GRIA3: variants seen among roughly 807,000 people sequenced by gnomAD.
GRIA3 encodes glutamate ionotropic receptor AMPA type subunit 3, also known as glutamate receptor 3.
In GRIA3, 3 loss-of-function variants were observed where a neutral mutation model predicts 63.0. The observed-to-expected ratio is 0.05, with a 90% CI of 0.02 to 0.12. The LOEUF (loss-of-function observed/expected upper bound fraction) is 0.12. GRIA3 is among the 10% of genes least tolerant of loss of function. GRIA3 has a pLI of 1.00. For missense variants in GRIA3, 347 were observed against 700.9 expected (o/e 0.50, Z 5.70); for synonymous variants, 274 against 257.9 (o/e 1.06, Z -0.60).
intron 2 of GRIA3, among the ~76,000 whole-genome samples, chrX:123,207,750 A>G (rs1927930343): frequency 9.0e-6 from 1 of 111,730 alleles, no homozygotes; most frequent in African/African-American, 3.3e-5. Context: ...CAAGCAGGAG[A>G]AAAGCCTGGG....
intron 8 of GRIA3, 98 bp downstream of exon 8, chrX:123,403,196 T>G (rs1431014285): frequency 1.6e-6 from 1 of 610,680 alleles, no homozygotes; most frequent in East Asian, 3.3e-5. Flanking sequence ...AAAATATCAG[T>G]AAGGATGAGT....
chrX:123,345,868 G>A lies in GRIA3; in HGVS notation c.697-9042G>A, dbSNP rs764523167. Among the ~76,000 whole-genome samples the A allele has an allele frequency of 7.2e-5, 8 of 110,964 alleles. No homozygotes were observed. The South Asian group carries it at 1.5e-3, about 21-fold the overall frequency. ...TTGGAGGAGGTTGCATATGACCTGC[G>A]CCTTGAGGGATTGATGTGATTTCTA... On this transcript the variant is annotated intron_variant, in intron 4 of 15. Transcript: ENST00000620443.
chrX:123,336,190 C>T (rs2044972844), intron 4 of GRIA3, among the ~76,000 whole-genome samples: 1 of 103,358 alleles, frequency 9.7e-6, no homozygotes, highest in African/African-American at 3.5e-5. Context: ...AGCTCCTCTA[C>T]TGAGAGGCAT....
At chrX:123,244,550 T>C (rs2044347458) in intron 2 of GRIA3, among the ~76,000 whole-genome samples, 1 of 112,770 alleles carries the variant, frequency 8.9e-6, no homozygotes, top group Non-Finnish European at 1.9e-5. Context: ...TTTCTAGATA[T>C]GTATGCATTT....
intron 3 of GRIA3, among the ~76,000 whole-genome samples, chrX:123,290,340 T>C (rs907316990): frequency 2.7e-5 from 3 of 112,009 alleles, no homozygotes; most frequent in African/African-American, 9.7e-5. Flanking sequence ...ATATATATTT[T>C]GTGTCTTCTG....
chrX:123,421,716 C>T (rs957744196), intron 11 of GRIA3, among the ~76,000 whole-genome samples: 6 of 112,025 alleles, frequency 5.4e-5, no homozygotes, highest in Non-Finnish European at 7.5e-5. Context: ...AACCACCTTC[C>T]CTCAGCTCCC....
At chrX:123,301,526 G>A (rs2044723160) in intron 3 of GRIA3, among the ~76,000 whole-genome samples, 1 of 111,373 alleles carries the variant, frequency 9.0e-6, no homozygotes, top group South Asian at 3.8e-4. Context: ...AATTAAAGGA[G>A]TTAATATGTA....
At chrX:123,198,284 T>C (rs1375627777) in intron 2 of GRIA3, among the ~76,000 whole-genome samples, 1 of 112,139 alleles carries the variant, frequency 8.9e-6, no homozygotes, top group Non-Finnish European at 1.9e-5. Context: ...ACTAGCCATA[T>C]GACCGTGAGC....
chrX:123,233,229 A>G (rs1027967284), intron 2 of GRIA3, among the ~76,000 whole-genome samples: 1 of 111,547 alleles, frequency 9.0e-6, no homozygotes, highest in African/African-American at 3.3e-5. Flanking sequence ...ACTTGTCTTC[A>G]CTACCATTCC....
At chrX:123,356,474 C>T (rs534927802) in intron 5 of GRIA3, among the ~76,000 whole-genome samples, 7 of 111,029 alleles carry the variant, frequency 6.3e-5, no homozygotes, top group Middle Eastern at 4.6e-3. Flanking sequence ...AGTATACGCA[C>T]GCAAACTTTT....
chrX:123,427,180 C>T (rs763998886), intron 11 of GRIA3, among the ~76,000 whole-genome samples: 1 of 112,319 alleles, frequency 8.9e-6, no homozygotes, highest in South Asian at 3.7e-4. Context: ...ATTTATTAAA[C>T]TCAAAGTGAA....
At chrX:123,203,819 G>C (rs367985844) in intron 2 of GRIA3, among the ~76,000 whole-genome samples, 27 of 111,909 alleles carry the variant, frequency 2.4e-4, no homozygotes, top group African/African-American at 8.4e-4. Context: ...GCCCGGGTTA[G>C]AATTCTGGTT....
chrX:123,358,070 G>A (rs953094099), intron 5 of GRIA3, among the ~76,000 whole-genome samples: 51 of 111,188 alleles, frequency 4.6e-4, no homozygotes, highest in Non-Finnish European at 2.1e-4. Flanking sequence ...ATCAAAGACA[G>A]ACAGAGAGAG....
chrX:123,231,484 T>C (rs1402424446), intron 2 of GRIA3, among the ~76,000 whole-genome samples: 2 of 111,697 alleles, frequency 1.8e-5, no homozygotes, highest in South Asian at 3.8e-4. Context: ...TGTGCTACGA[T>C]TGGTCCCTAT....
chrX:123,250,550 T>G (rs1412419670), intron 2 of GRIA3, among the ~76,000 whole-genome samples: 1 of 111,795 alleles, frequency 8.9e-6, no homozygotes, highest in African/African-American at 3.3e-5. Context: ...ACTGAAAATA[T>G]GTTGCATTTT....
At chrX:123,207,568 T>C (rs762783790) in intron 2 of GRIA3, among the ~76,000 whole-genome samples, 5 of 112,262 alleles carry the variant, frequency 4.5e-5, no homozygotes, top group Non-Finnish European at 7.5e-5. Flanking sequence ...AGTAAGCTAC[T>C]GTTTCCTTTC....
intron 12 of GRIA3, among the ~76,000 whole-genome samples, chrX:123,463,682 A>AAGAAAGAG (rs2045814249): frequency 7.4e-5 from 3 of 40,707 alleles, no homozygotes; most frequent in East Asian, 9.9e-4. Flanking sequence ...GAAAGAAAGA[A>AAGAAAGAG]AGAGAGAGAA....
At chrX:123,418,948 C>A (rs767761369) in intron 11 of GRIA3, among the ~76,000 whole-genome samples, 1 of 112,425 alleles carries the variant, frequency 8.9e-6, no homozygotes, top group East Asian at 2.8e-4. Context: ...AAGTTATACA[C>A]AAATGTTCAT....
At chrX:123,419,667 T>TATTTAAA (rs2045554404) in intron 11 of GRIA3, among the ~76,000 whole-genome samples, 1 of 110,994 alleles carries the variant, frequency 9.0e-6, no homozygotes, top group African/African-American at 3.3e-5. Flanking sequence ...ATCCAAGCTT[T>TATTTAAA]ATTTAAAATT....
Sources: allele counts gnomAD v4.1 joint callset (sites outside exome capture counted in the v4.1 genomes callset), GRCh38; gene constraint gnomAD v4.1.1; transcripts MANE v1.5; gene names NCBI Gene and HGNC (gene_info 2026-07-23, HGNC 2026-07-21).